CNTNAP4: variants seen among roughly 807,000 people sequenced by gnomAD.
The protein encoded by CNTNAP4 is contactin-associated protein-like 4.
In CNTNAP4, 98 loss-of-function variants were observed where a neutral mutation model predicts 148.4. The ratio of observed to expected loss-of-function variants is 0.66; its 90% CI spans 0.56 to 0.78. The LOEUF is 0.78. Ranked by LOEUF, CNTNAP4 falls within the 30% of genes least tolerant of loss-of-function variation. The pLI is 0.00. For synonymous variants in CNTNAP4, 730 were observed against 565.1 expected, an observed-to-expected ratio of 1.29 and a Z score of -4.14; for missense variants, 1,935 against 1,565.6, an observed-to-expected ratio of 1.24 and a Z score of -3.98.
intron 2 of CNTNAP4, among the ~76,000 whole-genome samples, chr16:76,320,278 C>G (rs1363665144): frequency 1.3e-5 from 2 of 152,134 alleles, no homozygotes; most frequent in Non-Finnish European, 2.9e-5. Context: ...ACCTGAGGAG[C>G]TTTCCAAGCA....
chr16:76,320,235 A>G (rs1962262391), intron 2 of CNTNAP4, among the ~76,000 whole-genome samples: 1 of 152,200 alleles, frequency 6.6e-6, no homozygotes, highest in Non-Finnish European at 1.5e-5. Context: ...CTGGGTAAAG[A>G]TTAGATCTTG....
At chr16:76,409,111 T>C (rs528688101) in intron 3 of CNTNAP4, among the ~76,000 whole-genome samples, 1 of 152,136 alleles carries the variant, frequency 6.6e-6, no homozygotes. Flanking sequence ...ACAATAGGCT[T>C]TACACTACAT....
At chr16:76,317,306 C>CA (rs34684365) in intron 2 of CNTNAP4, among the ~76,000 whole-genome samples, 75 of 82,110 alleles carry the variant, frequency 9.1e-4, no homozygotes, top group Non-Finnish European at 1.3e-3. Flanking sequence ...AAAAACCCCC[C>CA]AAAAAAAAAA....
Position 76,477,322 on chromosome 16 carries a change from C to T in CNTNAP4, c.1762+1277C>T, listed in dbSNP as rs149489640. ...GGAAGACCAAAATGCCCATTTCCCC[C>T]CCATTTTTTCCGATTATTACTGACA... On this transcript the variant is annotated intron_variant, in intron 11 of 23. Coordinates refer to ENST00000611870, the MANE Select transcript of CNTNAP4 (RefSeq NM_033401.5). Among the ~76,000 whole-genome samples, 224 of 152,214 alleles carry T rather than the reference C, an allele frequency of 1.5e-3. 1 individual carries two copies. Among genetic ancestry groups the T allele is most frequent in the African/African-American group, 5.2e-3 (214 of 41,546 alleles).
intron 3 of CNTNAP4, among the ~76,000 whole-genome samples, chr16:76,411,603 C>G (rs900952471): frequency 6.6e-6 from 1 of 151,004 alleles, no homozygotes; most frequent in Non-Finnish European, 1.5e-5. Context: ...AAAGGTATTT[C>G]TCATAGTGTT....
At chr16:76,303,654 T>C (rs1960202100) in intron 1 of CNTNAP4, among the ~76,000 whole-genome samples, 1 of 152,198 alleles carries the variant, frequency 6.6e-6, no homozygotes, top group Admixed American at 6.6e-5. Context: ...CCTTTCTCTC[T>C]TTCTTAATAA....
At chr16:76,404,172 C>A (rs2078518848) in intron 3 of CNTNAP4, among the ~76,000 whole-genome samples, 1 of 151,340 alleles carries the variant, frequency 6.6e-6, no homozygotes, top group Admixed American at 6.6e-5. Flanking sequence ...CACCCTTGAA[C>A]TTAAAAGTTA....
At chr16:76,552,279 T>C (rs1398042776) in intron 21 of CNTNAP4, among the ~76,000 whole-genome samples, 1 of 151,998 alleles carries the variant, frequency 6.6e-6, no homozygotes, top group East Asian at 1.9e-4. Flanking sequence ...CCTTGACACG[T>C]GGGGATTATG....
chr16:76,500,910 TAAAATG>T (rs1350751630), intron 15 of CNTNAP4, among the ~76,000 whole-genome samples: 1 of 152,100 alleles, frequency 6.6e-6, no homozygotes, highest in Non-Finnish European at 1.5e-5. Context: ...TTCCAGAACT[TAAAATG>T]GAAATAGATG....
chr16:76,441,617 G>C (rs951319396), intron 4 of CNTNAP4, among the ~76,000 whole-genome samples: 36 of 152,128 alleles, frequency 2.4e-4, no homozygotes, highest in African/African-American at 8.4e-4. Context: ...CACAGAAAAA[G>C]CCACAGAACC....
intron 23 of CNTNAP4, among the ~76,000 whole-genome samples, chr16:76,556,040 A>G (rs971961312): frequency 6.6e-6 from 1 of 152,188 alleles, no homozygotes; most frequent in Non-Finnish European, 1.5e-5. Flanking sequence ...TCACTCATAA[A>G]TTGCACCCAC....
rs1218370006 is a variant in CNTNAP4 at position 76,522,099 on chromosome 16, A to T, written c.2597A>T (p.Gln866Leu). The change falls in exon 17 of 24, where the codon CAG becomes CTG. Residue 866 changes from glutamine (Q) to leucine (L), a missense_variant. Transcript: ENST00000611870. The part of the protein sequence containing the change: ...VGNGPFEISV[Q>L]SPTHFNDNQW... ...AATGGGCCTTTTGAAATCTCAGTGC[A>T]GTCACCCACCCACTTCAACGACAAC... is the stretch of plus-strand genomic sequence containing the variant. 1 of 1,613,980 alleles carries T rather than the reference A, an allele frequency of 6.2e-7. No homozygotes were observed. Among genetic ancestry groups the T allele is most frequent in the Non-Finnish European group, 8.5e-7 (1 of 1,179,874 alleles).
intron 2 of CNTNAP4, among the ~76,000 whole-genome samples, chr16:76,325,417 G>T (rs1461499624): frequency 1.3e-5 from 2 of 152,012 alleles, no homozygotes; most frequent in Non-Finnish European, 2.9e-5. Flanking sequence ...ACCATAAATT[G>T]TTTCAATATA....
At chr16:76,281,069 G>A (rs1482606921) in intron 1 of CNTNAP4, among the ~76,000 whole-genome samples, 2 of 151,992 alleles carry the variant, frequency 1.3e-5, no homozygotes, top group Non-Finnish European at 2.9e-5. Context: ...GGAAATAAAG[G>A]CCGTATCTGA....
chr16:76,461,478 C>G (rs998785037), intron 8 of CNTNAP4, among the ~76,000 whole-genome samples: 2 of 152,124 alleles, frequency 1.3e-5, no homozygotes, highest in Admixed American at 1.3e-4. Context: ...TTATATTTAA[C>G]TTTATACCTG....
chr16:76,335,081 A>C lies in CNTNAP4; in HGVS notation c.196+18558A>C, dbSNP rs569607841. Reference sequence around the variant, plus strand: ...AAGAGAGTTGGGAGACGGTTATCAAACTGAGGTCACAGGGGAATGGGGTGG... The same window carrying C: ...AAGAGAGTTGGGAGACGGTTATCAACCTGAGGTCACAGGGGAATGGGGTGG... On this transcript the variant is annotated intron_variant, in intron 2 of 23. Transcript: ENST00000611870. 2.0e-5 allele frequency among the ~76,000 whole-genome samples: 3 copies of C among 152,204 alleles called. No individual in the cohort carries two copies. The South Asian group carries it at 6.2e-4, about 32-fold the overall frequency.
At chr16:76,362,194 C>T (rs780362168) in intron 3 of CNTNAP4, among the ~76,000 whole-genome samples, 26 of 151,926 alleles carry the variant, frequency 1.7e-4, no homozygotes, top group Non-Finnish European at 3.4e-4. Flanking sequence ...TAAACTTTAC[C>T]ATGGGAACAA....
intron 8 of CNTNAP4, among the ~76,000 whole-genome samples, chr16:76,456,424 A>G (rs1185261807): frequency 1.3e-5 from 2 of 152,242 alleles, no homozygotes; most frequent in African/African-American, 2.4e-5. Flanking sequence ...ATTGGTAAAT[A>G]CAGAACAAAA....
intron 12 of CNTNAP4, among the ~76,000 whole-genome samples, chr16:76,486,979 T>C (rs1311317177): frequency 1.3e-5 from 2 of 152,146 alleles, no homozygotes; most frequent in Non-Finnish European, 2.9e-5. Flanking sequence ...TCTGTGTCTG[T>C]TAGTATAGAT....
Sources: allele counts gnomAD v4.1 joint callset (sites outside exome capture counted in the v4.1 genomes callset), GRCh38; gene constraint gnomAD v4.1.1; transcripts MANE v1.5; gene names NCBI Gene and HGNC (gene_info 2026-07-23, HGNC 2026-07-21).